CFAP77: variants seen among roughly 807,000 people sequenced by gnomAD.
CFAP77 encodes cilia and flagella associated protein 77.
CFAP77 carries 25 observed loss-of-function variants against 31.1 expected under a neutral mutation model. The observed-to-expected ratio is 0.80, with a 90% CI of 0.59 to 1.12. The LOEUF (loss-of-function observed/expected upper bound fraction) is 1.12, where lower values mean the gene tolerates loss of function less well. Among genes scored for constraint, CFAP77 ranks in the 50% most tolerant of loss-of-function variants. CFAP77 has a pLI of 0.00. For missense variants in CFAP77, 377 were observed against 397.3 expected, an observed-to-expected ratio of 0.95 and a Z score of 0.44; for synonymous variants, 151 against 159.9, an observed-to-expected ratio of 0.94 and a Z score of 0.42.
rs925067753 is a variant in CFAP77 at position 132,565,555 on chromosome 9, C to T, written c.733-6833C>T. Among the ~76,000 whole-genome samples the T allele has an allele frequency of 7.2e-5, 11 of 152,066 alleles. No individual in the cohort carries two copies. The highest frequency in any genetic ancestry group is 5.8e-4 in the East Asian group (3 of 5,168). The stretch of plus-strand genomic sequence containing the variant: ...CTGAGGAAGGAGGATCGCTTGAACC[C>T]GGGAGGCAGAGTTTGCAGTGAGCTG... On this transcript the variant is annotated intron_variant, in intron 5 of 5. Transcript: ENST00000393216. This position sits in a 1 kb window ranked among gnomAD's most constrained non-coding sequence, Gnocchi z 4.1.
intron 1 of CFAP77, among the ~76,000 whole-genome samples, chr9:132,466,472 G>A (rs1012463757): frequency 6.6e-6 from 1 of 152,176 alleles, no homozygotes; most frequent in Non-Finnish European, 1.5e-5. Context: ...ATGGGATGGG[G>A]ACATTCTGCA....
chr9:132,461,270 G>T (rs1851045620), intron 1 of CFAP77, among the ~76,000 whole-genome samples: 1 of 152,186 alleles, frequency 6.6e-6, no homozygotes, highest in Non-Finnish European at 1.5e-5. Context: ...TCGTTTTGGG[G>T]TTAGACAAAA....
intron 1 of CFAP77, among the ~76,000 whole-genome samples, chr9:132,459,902 G>A (rs1471717361): frequency 6.6e-6 from 1 of 151,426 alleles, no homozygotes; most frequent in Non-Finnish European, 1.5e-5. Flanking sequence ...GAGTGTGTTA[G>A]TGTGTGAGTG....
chr9:132,515,587 C>T (rs963057853), intron 3 of CFAP77, among the ~76,000 whole-genome samples: 7 of 152,114 alleles, frequency 4.6e-5, no homozygotes, highest in African/African-American at 1.4e-4. Flanking sequence ...GCCTGATGGG[C>T]GGGCTGGTCC....
intron 1 of CFAP77, among the ~76,000 whole-genome samples, chr9:132,432,965 C>G (rs892049263): frequency 6.6e-6 from 1 of 152,172 alleles, no homozygotes. Flanking sequence ...CTGCCCGCCT[C>G]AGCCTCCCAA....
At chr9:132,451,373 G>A (rs927834433) in intron 1 of CFAP77, among the ~76,000 whole-genome samples, 9 of 151,642 alleles carry the variant, frequency 5.9e-5, no homozygotes, top group Non-Finnish European at 1.2e-4. Context: ...ATCATGAATT[G>A]GATGTGGGTA....
At chr9:132,533,575 T>C (rs1179215478) in intron 3 of CFAP77, among the ~76,000 whole-genome samples, 2 of 152,090 alleles carry the variant, frequency 1.3e-5, no homozygotes, top group Non-Finnish European at 2.9e-5. Flanking sequence ...GTAATTGCAG[T>C]TTTTTTCTAT....
intron 1 of CFAP77, among the ~76,000 whole-genome samples, chr9:132,493,272 G>A (rs1218184454): frequency 6.6e-6 from 1 of 152,188 alleles, no homozygotes; most frequent in African/African-American, 2.4e-5. Flanking sequence ...CCTTCCAGGC[G>A]ATGCTATGGT....
rs1851782625 is a variant in CFAP77 at position 132,498,548 on chromosome 9, C to T, written c.196-147C>T. On this transcript the variant is annotated intron_variant, in intron 1 of 5. Transcript: ENST00000393216. This position sits in a 1 kb window ranked among gnomAD's most constrained non-coding sequence, Gnocchi z 4.2. ...CAGCCTGCGCTCCTCCCAGGGAGGG[C>T]TCTGCCACCCACTCCTGTGCCACCC... 1.4e-5 allele frequency: 9 copies of T among 627,364 alleles called. No homozygotes were observed. The South Asian group carries it at 1.7e-4, about 12-fold the overall frequency. 38.9% of individuals were successfully genotyped at this position (627,364 alleles called of 1,614,324 possible). A position where few individuals can be genotyped will look rare whatever the true frequency, so the allele number is the denominator to read the frequency against.
intron 1 of CFAP77, among the ~76,000 whole-genome samples, chr9:132,465,601 G>A (rs1031817957): frequency 6.6e-6 from 1 of 152,148 alleles, no homozygotes; most frequent in Non-Finnish European, 1.5e-5. Context: ...ACACCCTGGT[G>A]TTCACTTGGG....
At position 132,424,730 on chromosome 9, in the gene CFAP77, C is replaced by T. The variant is rs1301890058; in HGVS notation, c.195+14264C>T. Among the ~76,000 whole-genome samples, 13 of 152,162 alleles carry T rather than the reference C, an allele frequency of 8.5e-5. No homozygotes were observed. Among genetic ancestry groups the T allele is most frequent in the Admixed American group, 8.5e-4 (13 of 15,272 alleles). On this transcript the variant is annotated intron_variant, in intron 1 of 5. Transcript: ENST00000393216. The surrounding 1 kb of genome is among the most constrained non-coding windows in gnomAD (Gnocchi z 4.1). ...AAAGACGCATAGATACCGGGTTTCC[C>T]ACGGATGTTGGATTTCAGGTTATTC...
chr9:132,434,582 G>A (rs866761638), intron 1 of CFAP77, among the ~76,000 whole-genome samples: 5 of 152,106 alleles, frequency 3.3e-5, no homozygotes, highest in Middle Eastern at 3.4e-3. Context: ...CATGAAGGAA[G>A]GCACAGCTAT....
At chr9:132,550,600 A>G (rs569362586) in intron 5 of CFAP77, among the ~76,000 whole-genome samples, 3 of 149,284 alleles carry the variant, frequency 2.0e-5, no homozygotes, top group Admixed American at 6.7e-5. Flanking sequence ...TTATGGCTCA[A>G]TGCAGCCTCT....
At position 132,543,027 on chromosome 9, in the gene CFAP77, C is replaced by T. The variant is rs376871470; in HGVS notation, c.712C>T (p.His238Tyr). ...KPPVKLDTLW[H>Y]MPHFQKVGRH... The stretch of plus-strand genomic sequence containing the variant: ...GCCCGTGAAGCTGGACACCCTCTGG[C>T]ACATGCCTCACTTCCAGAAGGTCAG... Residue 238 changes from histidine (H) to tyrosine (Y), a missense_variant, in exon 5 of 6, where the codon CAC becomes TAC. His to Tyr is a moderately conservative substitution (Grantham distance 83). Transcript: ENST00000393216. 144 of 1,614,020 alleles carry T rather than the reference C, an allele frequency of 8.9e-5. No homozygotes were observed. Among genetic ancestry groups the T allele is most frequent in the Non-Finnish European group, 1.2e-4 (137 of 1,179,966 alleles).
rs1197254739 is a variant in CFAP77, at chr9:132,558,566, G to A, written c.733-13822G>A. Among the ~76,000 whole-genome samples, 8 of 152,016 alleles carry A rather than the reference G, an allele frequency of 5.3e-5. No individual in the cohort carries two copies. In the South Asian group the frequency reaches 1.2e-3, roughly 24 times the overall value. On this transcript the variant is annotated intron_variant, in intron 5 of 5. Coordinates refer to ENST00000393216, the MANE Select transcript of CFAP77 (RefSeq NM_001282957.2). ...CTAAAAATATAAAAATCAGCCAGGCGTGGTGGCAGGCGCCTGTAATCCCAG... is the reference window on the plus strand; with the variant it reads ...CTAAAAATATAAAAATCAGCCAGGCATGGTGGCAGGCGCCTGTAATCCCAG...
rs959196818 is a variant in CFAP77, at chr9:132,565,035, T to C, written c.733-7353T>C. On this transcript the variant is annotated intron_variant, in intron 5 of 5. Transcript: ENST00000393216. This position sits in a 1 kb window ranked among gnomAD's most constrained non-coding sequence, Gnocchi z 4.1. ...ATATCACTAAGGTCTCTTCCAAACC[T>C]AACTCTCTGGGAATATTTTATTCTG... Among the ~76,000 whole-genome samples the C allele has an allele frequency of 1.3e-5, 2 of 151,990 alleles. No homozygotes were observed. Among genetic ancestry groups the C allele is most frequent in the African/African-American group, 2.4e-5 (1 of 41,376 alleles).
rs1180760161 is a variant in CFAP77 at position 132,459,631 on chromosome 9, A to G, written c.196-39064A>G. On this transcript the variant is annotated intron_variant, in intron 1 of 5. Coordinates refer to ENST00000393216, the MANE Select transcript of CFAP77 (RefSeq NM_001282957.2). ...TATGTGTGTGTATGTATATGTGTGT[A>G]TACATGTGTATGTATGTGTGTATAT... is the stretch of plus-strand genomic sequence containing the variant. Among the ~76,000 whole-genome samples the G allele has an allele frequency of 1.3e-4, 19 of 150,848 alleles. 1 individual carries two copies. The highest frequency in any genetic ancestry group is 1.3e-3 in the Admixed American group (19 of 15,160).
intron 1 of CFAP77, among the ~76,000 whole-genome samples, chr9:132,413,284 G>A (rs1437810414): frequency 6.6e-6 from 1 of 152,112 alleles, no homozygotes; most frequent in Non-Finnish European, 1.5e-5. Flanking sequence ...CCATAACCAA[G>A]TGAAAAGTGA....
intron 4 of CFAP77, among the ~76,000 whole-genome samples, chr9:132,540,434 G>A (rs1003286021): frequency 2.6e-5 from 4 of 152,128 alleles, no homozygotes; most frequent in South Asian, 2.1e-4. Flanking sequence ...CATTGGGTGC[G>A]GAAAGGGGTC....
Sources: gnomAD v4.1 joint callset for allele counts (sites outside exome capture counted in the v4.1 genomes callset) on GRCh38, gnomAD v4.1.1 for gene constraint, Gnocchi (gnomAD v3.1) non-coding constraint, MANE v1.5 for transcripts, NCBI Gene and HGNC (gene_info 2026-07-23, HGNC 2026-07-21) for gene names.